Variants in MACO1 observed in about 807,000 individuals in gnomAD.
MACO1 encodes the protein macoilin 1.
MACO1 carries 14 observed loss-of-function variants against 78.7 expected under a neutral mutation model. The ratio of observed to expected loss-of-function variants is 0.18; its 90% CI spans 0.12 to 0.28. MACO1 has a LOEUF of 0.28. Among genes scored for constraint, MACO1 ranks in the 10% least tolerant of loss-of-function variants. The probability of loss-of-function intolerance (pLI) is 1.00; values close to 1 mark genes in which losing one functional copy is unlikely to be tolerated. For synonymous variants in MACO1, 288 were observed against 291.6 expected, an observed-to-expected ratio of 0.99 and a Z score of 0.12; for missense variants, 501 against 799.0, an observed-to-expected ratio of 0.63 and a Z score of 4.50.
At chr1:25,459,009 T>C in intron 6 of MACO1, 117 bp downstream of exon 6, 1 of 1,318,668 alleles carries the variant, frequency 7.6e-7, no homozygotes, top group Non-Finnish European at 1.0e-6. Flanking sequence ...ACTAGTGACG[T>C]GTGGTGTTTT....
At chr1:25,447,012 G>A (rs539475488) in intron 2 of MACO1, 109 bp downstream of exon 2, 17 of 1,317,568 alleles carry the variant, frequency 1.3e-5, no homozygotes, top group Middle Eastern at 3.9e-4. Context: ...AATAGGGTCT[G>A]TTAACTGAAA....
At chr1:25,437,936 G>T (rs766677235) in intron 1 of MACO1, among the ~76,000 whole-genome samples, 2 of 152,002 alleles carry the variant, frequency 1.3e-5, no homozygotes, top group African/African-American at 2.4e-5. Flanking sequence ...AAGAGAATTG[G>T]CTGGGCGTGG....
intron 1 of MACO1, among the ~76,000 whole-genome samples, chr1:25,441,625 C>T (rs1367346654): frequency 6.6e-6 from 1 of 152,196 alleles, no homozygotes; most frequent in Non-Finnish European, 1.5e-5. Context: ...GTTAATTACA[C>T]AAAATATTAT....
chr1:25,472,309 C>T (rs1034402955), intron 6 of MACO1, among the ~76,000 whole-genome samples: 3 of 152,126 alleles, frequency 2.0e-5, no homozygotes, highest in Non-Finnish European at 2.9e-5. Context: ...TGGTTTGCTG[C>T]ACCCATCAAC....
chr1:25,468,166 C>T (rs182105676), intron 6 of MACO1, among the ~76,000 whole-genome samples: 4 of 152,162 alleles, frequency 2.6e-5, no homozygotes, highest in Admixed American at 2.6e-4. Context: ...GCCAAAGACA[C>T]ATGAGTGTAC....
chr1:25,443,744 G>C (rs988112966), intron 1 of MACO1, among the ~76,000 whole-genome samples: 1 of 152,134 alleles, frequency 6.6e-6, no homozygotes, highest in Non-Finnish European at 1.5e-5. Flanking sequence ...GATCTGACTG[G>C]GGTCTGACTG....
intron 6 of MACO1, among the ~76,000 whole-genome samples, chr1:25,475,430 G>A (rs757794472): frequency 1.5e-4 from 22 of 151,512 alleles, no homozygotes; most frequent in Admixed American, 9.2e-4. Context: ...AGTTTATGTT[G>A]GCTGAGCATG....
At chr1:25,456,312 GT>G (rs1347000903) in intron 4 of MACO1, among the ~76,000 whole-genome samples, 1 of 151,614 alleles carries the variant, frequency 6.6e-6, no homozygotes, top group Non-Finnish European at 1.5e-5. Flanking sequence ...GCATAAGGCA[GT>G]TTCTTCAATA....
At chr1:25,448,191 G>T (rs981587169) in intron 2 of MACO1, among the ~76,000 whole-genome samples, 3 of 152,132 alleles carry the variant, frequency 2.0e-5, no homozygotes, top group Admixed American at 6.5e-5. Context: ...AGGGCCAGAC[G>T]TGGTGGTTCA....
intron 6 of MACO1, among the ~76,000 whole-genome samples, chr1:25,467,034 G>A (rs1410074135): frequency 6.6e-6 from 1 of 152,226 alleles, no homozygotes; most frequent in East Asian, 1.9e-4. Flanking sequence ...CAAGGCGGGT[G>A]GATCACTTGA....
At chr1:25,436,357 G>A (rs148950675) in intron 1 of MACO1, among the ~76,000 whole-genome samples, 2 of 152,292 alleles carry the variant, frequency 1.3e-5, no homozygotes, top group Non-Finnish European at 2.9e-5. Flanking sequence ...ATCTTGTGGA[G>A]TTTGGAGGGC....
At chr1:25,495,939 C>A (rs575350187) in intron 10 of MACO1, among the ~76,000 whole-genome samples, 1 of 152,128 alleles carries the variant, frequency 6.6e-6, no homozygotes, top group Non-Finnish European at 1.5e-5. Context: ...TCCAGCCTGG[C>A]GACAGAGCAA....
At chr1:25,437,298 C>CTTTTTTTTTTTT (rs1173305681) in intron 1 of MACO1, among the ~76,000 whole-genome samples, 6 of 65,868 alleles carry the variant, frequency 9.1e-5, no homozygotes, top group South Asian at 5.2e-4. Context: ...CCATGCCTGG[C>CTTTTTTTTTTTT]TTTTTTTTTT....
chr1:25,442,106 T>G (rs1264983919), intron 1 of MACO1, among the ~76,000 whole-genome samples: 1 of 152,186 alleles, frequency 6.6e-6, no homozygotes, highest in Non-Finnish European at 1.5e-5. Context: ...AAATTCTGCT[T>G]TTCTAAAAAG....
intron 10 of MACO1, 43 bp downstream of exon 10, chr1:25,491,627 T>C: frequency 6.5e-7 from 1 of 1,538,680 alleles, no homozygotes; most frequent in Non-Finnish European, 9.0e-7. Context: ...TGACTGATAA[T>C]GCACAGGGAT....
chr1:25,459,784 A>G (rs1212505966), intron 6 of MACO1, among the ~76,000 whole-genome samples: 1 of 152,134 alleles, frequency 6.6e-6, no homozygotes, highest in African/African-American at 2.4e-5. Flanking sequence ...GCCATAAAAG[A>G]ATAACATTGT....
chr1:25,480,932 ATATATATATATATATAT>A (rs1557673333), intron 6 of MACO1, among the ~76,000 whole-genome samples: 1,915 of 72,908 alleles, frequency 0.026, 237 homozygotes, highest in East Asian at 0.062. Context: ...AAAAAAAAAT[ATATATATATATATATAT>A]ATATATATAT....
rs1389080412 is a variant in MACO1, at chr1:25,498,268, A to G, written c.1797A>G (p.Gln599=). The G allele has an allele frequency of 6.2e-7, 1 of 1,614,164 alleles. No individual in the cohort carries two copies. The highest frequency in any genetic ancestry group is 1.1e-5 in the South Asian group (1 of 91,080). Residue 599 remains glutamine, a synonymous_variant, in exon 11 of 11, where the codon CAA becomes CAG. Coordinates refer to ENST00000374343, the MANE Select transcript of MACO1 (RefSeq NM_018202.6). ...AKRQLEIAQG[Q]ILQKDQEIKD... Reference sequence around the variant, plus strand: ...GGTGGGTCTTTGATCTTACAGGACAAATCCTTCAGAAAGATCAGGAAATCA... The same window carrying G: ...GGTGGGTCTTTGATCTTACAGGACAGATCCTTCAGAAAGATCAGGAAATCA...
intron 6 of MACO1, among the ~76,000 whole-genome samples, chr1:25,463,057 T>C (rs970306711): frequency 1.3e-5 from 2 of 152,174 alleles, no homozygotes; most frequent in Non-Finnish European, 2.9e-5. Context: ...GTCTGGCCCT[T>C]TACAGAAAAA....
Sources: gnomAD v4.1 joint callset for allele counts (sites outside exome capture counted in the v4.1 genomes callset) on GRCh38, gnomAD v4.1.1 for gene constraint, MANE v1.5 for transcripts, NCBI Gene and HGNC (gene_info 2026-07-23, HGNC 2026-07-21) for gene names.